The following SHANK2 variants were observed in gnomAD, a reference collection of about 807,000 sequenced individuals.
SHANK2 encodes SH3 and multiple ankyrin repeat domains 2.
In SHANK2, 43 loss-of-function variants were observed where a neutral mutation model predicts 133.7. The ratio of observed to expected loss-of-function variants is 0.32; its 90% CI spans 0.25 to 0.41. The LOEUF is 0.41. SHANK2 is among the 10% of genes least tolerant of loss of function. The probability of loss-of-function intolerance (pLI) is 1.00; values close to 1 mark genes in which losing one functional copy is unlikely to be tolerated. For synonymous variants in SHANK2, 1,017 were observed against 952.8 expected (o/e 1.07, Z -1.24); for missense variants, 1,994 against 2,235.8 (o/e 0.89, Z 2.18).
intron 2 of SHANK2, among the ~76,000 whole-genome samples, chr11:71,160,812 T>C (rs1656623435): frequency 6.6e-6 from 1 of 152,188 alleles, no homozygotes; most frequent in Non-Finnish European, 1.5e-5. Flanking sequence ...AAATCCCTGC[T>C]GGGTTATTTC....
At chr11:71,103,384 A>G (rs148156723) in intron 6 of SHANK2, among the ~76,000 whole-genome samples, 1 of 152,292 alleles carries the variant, frequency 6.6e-6, no homozygotes, top group East Asian at 1.9e-4. Flanking sequence ...TGGGACCAAC[A>G]GGCTTCCCAG....
intron 17 of SHANK2, among the ~76,000 whole-genome samples, chr11:70,558,833 G>A (rs533222608): frequency 1.1e-4 from 16 of 152,206 alleles, no homozygotes; most frequent in Non-Finnish European, 2.2e-4. Context: ...CCGGCTTCCT[G>A]GAGGACGTGA....
intron 15 of SHANK2, among the ~76,000 whole-genome samples, chr11:70,678,651 T>C (rs1944957838): frequency 6.7e-6 from 1 of 149,508 alleles, no homozygotes; most frequent in East Asian, 2.0e-4. Flanking sequence ...CAAGTGATTC[T>C]CCAGCCTCAG....
At chr11:71,226,217 G>A (rs1555122205) in intron 1 of SHANK2, among the ~76,000 whole-genome samples, 1 of 152,188 alleles carries the variant, frequency 6.6e-6, no homozygotes, top group Non-Finnish European at 1.5e-5. Context: ...AGGGGACAGA[G>A]GAAATAATCA....
chr11:70,478,383 G>T (rs1435867887), intron 25 of SHANK2, among the ~76,000 whole-genome samples: 1 of 152,210 alleles, frequency 6.6e-6, no homozygotes, highest in African/African-American at 2.4e-5. Context: ...TCAAGGGCCT[G>T]CTGGGCCTGG....
At chr11:71,222,316 T>C (rs1954562365) in intron 2 of SHANK2, among the ~76,000 whole-genome samples, 1 of 152,170 alleles carries the variant, frequency 6.6e-6, no homozygotes, top group Non-Finnish European at 1.5e-5. Context: ...TTTCCTTCTC[T>C]CCTTCCCATT....
chr11:70,874,748 T>C (rs1476346237), intron 11 of SHANK2, among the ~76,000 whole-genome samples: 1 of 149,872 alleles, frequency 6.7e-6, no homozygotes, highest in African/African-American at 2.5e-5. Context: ...TAAACACAGA[T>C]GAAAACTCCG....
chr11:71,245,926 GC>G (rs1555124911), intron 1 of SHANK2, among the ~76,000 whole-genome samples: 1 of 152,208 alleles, frequency 6.6e-6, no homozygotes, highest in Non-Finnish European at 1.5e-5. Flanking sequence ...TAGTTTGCAG[GC>G]CCCTGTACGG....
In SHANK2 at chr11:70,684,815, C is replaced by T. The variant is rs559934070; in HGVS notation, c.1853+13873G>A. ...TGGTCCCAGCCCTGCCCTGTCTGACCGGCTGCAGCCCTTCTGATAGGTCAC... is the reference window on the plus strand; with the variant it reads ...TGGTCCCAGCCCTGCCCTGTCTGACTGGCTGCAGCCCTTCTGATAGGTCAC... On this transcript the variant is annotated intron_variant, in intron 15 of 25. Transcript: ENST00000601538. Among the ~76,000 whole-genome samples the T allele has an allele frequency of 7.2e-5, 11 of 152,166 alleles. No homozygotes were observed. In the South Asian group the frequency reaches 1.2e-3, roughly 17 times the overall value.
chr11:70,688,327 G>A (rs1171774652), intron 15 of SHANK2, among the ~76,000 whole-genome samples: 6 of 152,156 alleles, frequency 3.9e-5, no homozygotes, highest in African/African-American at 1.4e-4. Flanking sequence ...CTGGGGCCAA[G>A]GTCCAAAGTC....
intron 10 of SHANK2, among the ~76,000 whole-genome samples, chr11:70,902,857 G>A (rs1265308159): frequency 6.6e-6 from 1 of 152,174 alleles, no homozygotes; most frequent in Non-Finnish European, 1.5e-5. Flanking sequence ...TCTGCCCTTG[G>A]CACTCAGAGC....
At chr11:71,125,861 GT>G (rs1227930559) in intron 3 of SHANK2, among the ~76,000 whole-genome samples, 2 of 152,184 alleles carry the variant, frequency 1.3e-5, no homozygotes, top group African/African-American at 4.8e-5. Flanking sequence ...AATGCAGCTG[GT>G]GACTTTAAGT....
In SHANK2 at chr11:71,147,267, G is replaced by C. The variant is rs781791245; in HGVS notation, c.60C>G (p.Ser20=). 6.4e-7 allele frequency: 1 copy of C among 1,551,008 alleles called. No homozygotes were observed. The highest frequency in any genetic ancestry group is 1.2e-5 in the South Asian group (1 of 84,060). The part of the protein sequence containing the change: ...DEMAQSFSDY[S]VGSESDSSKE... ...TGGAGCTGTCTGACTCCGACCCCAC[G>C]GAGTAGTCGGAGAAGCTCTGGGCCA... is the stretch of plus-strand genomic sequence containing the variant. Residue 20 remains serine, a synonymous_variant, in exon 3 of 26, where the codon TCC becomes TCG. Transcript: ENST00000601538.
intron 21 of SHANK2, among the ~76,000 whole-genome samples, chr11:70,497,891 C>T (rs1555157468): frequency 6.6e-6 from 1 of 152,276 alleles, no homozygotes; most frequent in African/African-American, 2.4e-5. Context: ...ACTAGGTCCA[C>T]TGTCCAGCGA....
At chr11:70,756,001 A>G (rs561246) in intron 14 of SHANK2, among the ~76,000 whole-genome samples, 89,242 of 151,666 alleles carry the variant, frequency 0.59, 27,449 homozygotes, top group African/African-American at 0.79. Flanking sequence ...CGAGCCCCGG[A>G]CCCCACTGAC....
chr11:70,622,762 TCCAACCCC>T (rs2060848044), intron 17 of SHANK2, among the ~76,000 whole-genome samples: 1 of 152,168 alleles, frequency 6.6e-6, no homozygotes, highest in South Asian at 2.1e-4. Flanking sequence ...TGGAACACCA[TCCAACCCC>T]CTACTGTCTC....
intron 15 of SHANK2, among the ~76,000 whole-genome samples, chr11:70,696,503 A>G (rs111714452): frequency 6.6e-6 from 1 of 152,204 alleles, no homozygotes; most frequent in African/African-American, 2.4e-5. Flanking sequence ...CTGCTGCAGA[A>G]ACAATTCATC....
chr11:71,249,403 C>G (rs1280247660), intron 1 of SHANK2, among the ~76,000 whole-genome samples: 1 of 152,194 alleles, frequency 6.6e-6, no homozygotes, highest in African/African-American at 2.4e-5. Flanking sequence ...GTCCCAGTTA[C>G]AGGAGAAGTG....
intron 14 of SHANK2, among the ~76,000 whole-genome samples, chr11:70,720,279 C>T (rs1371426672): frequency 6.6e-6 from 1 of 152,168 alleles, no homozygotes; most frequent in Non-Finnish European, 1.5e-5. Context: ...GGGTCATCAC[C>T]TCGTCTAACT....
Sources: gnomAD v4.1 joint callset for allele counts (sites outside exome capture counted in the v4.1 genomes callset) on GRCh38, gnomAD v4.1.1 for gene constraint, MANE v1.5 for transcripts, NCBI Gene and HGNC (gene_info 2026-07-23, HGNC 2026-07-21) for gene names.